The following PSD3 variants were observed in gnomAD, a reference collection of about 807,000 sequenced individuals.
The protein encoded by PSD3 is PH and SEC7 domain-containing protein 3.
In PSD3, 49 loss-of-function variants were observed where a neutral mutation model predicts 105.5. The ratio of observed to expected loss-of-function variants is 0.46; its 90% CI spans 0.37 to 0.59. PSD3 has a LOEUF of 0.59. PSD3 is among the 20% of genes least tolerant of loss of function. The pLI is 0.00. For synonymous variants in PSD3, 557 were observed against 457.8 expected, an observed-to-expected ratio of 1.22 and a Z score of -2.77; for missense variants, 1,561 against 1,263.8, an observed-to-expected ratio of 1.24 and a Z score of -3.57.
chr8:18,586,486 G>A (rs1803196426), intron 12 of PSD3, among the ~76,000 whole-genome samples: 1 of 152,156 alleles, frequency 6.6e-6, no homozygotes, highest in African/African-American at 2.4e-5. Context: ...AAGGCTTAAA[G>A]TAACTGATGA....
intron 9 of PSD3, among the ~76,000 whole-genome samples, chr8:18,672,676 G>C (rs1799849702): frequency 1.3e-5 from 2 of 152,130 alleles, no homozygotes; most frequent in African/African-American, 4.8e-5. Context: ...AAGTTGCATG[G>C]ACAATCTCAG....
chr8:18,913,352 T>C (rs1422062837), intron 2 of PSD3, among the ~76,000 whole-genome samples: 2 of 152,192 alleles, frequency 1.3e-5, no homozygotes, highest in Non-Finnish European at 2.9e-5. Context: ...CATTTTTTTT[T>C]TCTTTAGAGT....
In PSD3 at chr8:18,674,601, T is replaced by C. The variant is rs139732765; in HGVS notation, c.2173-18916A>G. 1.9e-3 allele frequency among the ~76,000 whole-genome samples: 286 copies of C among 152,290 alleles called. 1 individual carries two copies. The highest frequency in any genetic ancestry group is 6.7e-3 in the African/African-American group (277 of 41,564). Reference sequence around the variant, plus strand: ...TACCACTTAATCACAGTCTAAGAGATCACAGCAGGGGGTGGATGGGGCACA... The same window carrying C: ...TACCACTTAATCACAGTCTAAGAGACCACAGCAGGGGGTGGATGGGGCACA... On this transcript the variant is annotated intron_variant, in intron 9 of 15. Transcript: ENST00000327040.
At chr8:18,712,824 A>G (rs1479109849) in intron 9 of PSD3, among the ~76,000 whole-genome samples, 1 of 152,212 alleles carries the variant, frequency 6.6e-6, no homozygotes, top group Non-Finnish European at 1.5e-5. Context: ...TGGCAGAGAT[A>G]TAACAAAAAA....
At chr8:18,992,709 T>C (rs1054862081) in intron 1 of PSD3, among the ~76,000 whole-genome samples, 10 of 152,172 alleles carry the variant, frequency 6.6e-5, no homozygotes, top group Admixed American at 1.3e-4. Context: ...CTAGAAATGA[T>C]TCAGTCTTCT....
At chr8:18,591,349 G>C (rs1335839452) in intron 12 of PSD3, among the ~76,000 whole-genome samples, 1 of 152,106 alleles carries the variant, frequency 6.6e-6, no homozygotes, top group African/African-American at 2.4e-5. Context: ...GAATACTGAG[G>C]GAACTGCAAT....
At chr8:19,083,279 G>A (rs892701590) in intron 1 of PSD3, among the ~76,000 whole-genome samples, 1 of 152,226 alleles carries the variant, frequency 6.6e-6, no homozygotes, top group African/African-American at 2.4e-5. Flanking sequence ...TTTAAGTTTT[G>A]TCCACCCAAT....
intron 4 of PSD3, among the ~76,000 whole-genome samples, chr8:18,862,020 T>A (rs1232946854): frequency 3.9e-5 from 6 of 152,148 alleles, no homozygotes; most frequent in Non-Finnish European, 8.8e-5. Flanking sequence ...GTAGTAAGGG[T>A]CCGATGCAGG....
intron 2 of PSD3, chr8:18,924,822 AT>A (rs1030716083): frequency 3.3e-5 from 5 of 152,250 alleles, no homozygotes; most frequent in African/African-American, 1.2e-4. Context: ...AAAAGAAAAA[AT>A]AACTAACTCA....
chr8:18,879,290 T>A lies in PSD3; in HGVS notation c.131-6557A>T, dbSNP rs138116087. On this transcript the variant is annotated intron_variant, in intron 2 of 15. Coordinates refer to ENST00000327040, the MANE Select transcript of PSD3 (RefSeq NM_015310.4). ...TGGCAACCGGTCAAAGAAAACGAGGTCAGATAAGAGGGAGACAGGGCAAGG... is the reference window on the plus strand; with the variant it reads ...TGGCAACCGGTCAAAGAAAACGAGGACAGATAAGAGGGAGACAGGGCAAGG... 9.3e-3 allele frequency among the ~76,000 whole-genome samples: 1,418 copies of A among 152,058 alleles called. 6 individuals are homozygous for A. The highest frequency in any genetic ancestry group is 0.015 in the Non-Finnish European group (1,015 of 67,978).
At chr8:18,542,057 G>C (rs1178552856) in intron 15 of PSD3, among the ~76,000 whole-genome samples, 3 of 151,976 alleles carry the variant, frequency 2.0e-5, no homozygotes, top group Non-Finnish European at 4.4e-5. Flanking sequence ...TCGGCCCTGA[G>C]AATCTCTTAC....
chr8:18,548,636 T>C (rs1173538807), intron 15 of PSD3, among the ~76,000 whole-genome samples: 3 of 152,246 alleles, frequency 2.0e-5, no homozygotes, highest in African/African-American at 4.8e-5. Flanking sequence ...CCTTGGCCAG[T>C]GTCCTCTAAT....
At chr8:19,005,552 C>A (rs887962889) in intron 1 of PSD3, among the ~76,000 whole-genome samples, 1 of 151,984 alleles carries the variant, frequency 6.6e-6, no homozygotes, top group Admixed American at 6.6e-5. Context: ...GCAATCACGA[C>A]ACACTGCATG....
At chr8:18,684,730 A>G (rs1800572632) in intron 9 of PSD3, among the ~76,000 whole-genome samples, 1 of 152,130 alleles carries the variant, frequency 6.6e-6, no homozygotes, top group Non-Finnish European at 1.5e-5. Flanking sequence ...TCTCTAGGAG[A>G]CTGAGAAAAT....
chr8:18,840,313 G>A (rs956867139), intron 4 of PSD3, among the ~76,000 whole-genome samples: 3 of 152,210 alleles, frequency 2.0e-5, no homozygotes, highest in African/African-American at 7.2e-5. Context: ...AAACACTTGT[G>A]ATGAACATGT....
chr8:18,770,270 C>T (rs934932713), intron 8 of PSD3, among the ~76,000 whole-genome samples: 1 of 152,054 alleles, frequency 6.6e-6, no homozygotes, highest in Non-Finnish European at 1.5e-5. Flanking sequence ...TGCATGTCTT[C>T]TTTAGAGAAA....
intron 2 of PSD3, among the ~76,000 whole-genome samples, chr8:18,928,132 C>G (rs969863442): frequency 4.6e-5 from 7 of 152,210 alleles, no homozygotes; most frequent in African/African-American, 1.7e-4. Context: ...ACCCAAATCT[C>G]ACCTGGAATT....
rs150954407 is a variant in PSD3, at chr8:18,588,507, A to G, written c.2481+11857T>C. 7.4e-3 allele frequency among the ~76,000 whole-genome samples: 1,133 copies of G among 152,272 alleles called. 15 individuals carry two copies. Among genetic ancestry groups the G allele is most frequent in the African/African-American group, 0.025 (1,049 of 41,554 alleles). On this transcript the variant is annotated intron_variant, in intron 12 of 15. Transcript: ENST00000327040. ...GTAGATAGTTTACAGCTATGCTAGC[A>G]TTCTTATGATTTAACTGAAATAGCA...
chr8:18,692,780 T>G (rs774426619), intron 9 of PSD3, among the ~76,000 whole-genome samples: 2 of 152,186 alleles, frequency 1.3e-5, no homozygotes, highest in Non-Finnish European at 2.9e-5. Context: ...GCCTTTATAT[T>G]CAAAAGGGCA....
Sources: allele counts gnomAD v4.1 joint callset (sites outside exome capture counted in the v4.1 genomes callset), GRCh38; gene constraint gnomAD v4.1.1; transcripts MANE v1.5; gene names NCBI Gene and HGNC (gene_info 2026-07-23, HGNC 2026-07-21).